The following GALNT18 variants were observed in gnomAD, a reference collection of about 807,000 sequenced individuals.
GALNT18 encodes polypeptide N-acetylgalactosaminyltransferase 18.
Under a neutral mutation model 69.5 loss-of-function variants are expected in GALNT18, and 44 were observed. The observed-to-expected ratio is 0.63, with a 90% confidence interval of 0.50 to 0.81. The LOEUF is 0.81. Ranked by LOEUF, GALNT18 falls within the 40% of genes least tolerant of loss-of-function variation. GALNT18 has a pLI of 0.00. For missense variants in GALNT18, 715 were observed against 810.0 expected (o/e 0.88, Z 1.42); for synonymous variants, 364 against 318.2 (o/e 1.14, Z -1.53).
Position 11,562,933 on chromosome 11 carries a change from C to T in GALNT18, c.235+58426G>A, listed in dbSNP as rs1858549815. 6.6e-6 allele frequency among the ~76,000 whole-genome samples: 1 copy of T among 152,216 alleles called. No individual in the cohort carries two copies. The highest frequency in any genetic ancestry group is 1.5e-5 in the Non-Finnish European group (1 of 68,042). ...GGCTTCATTCAGCACCCCCACAGCC[C>T]TCAAGTTCACAGATCGGAAGAGACT... On this transcript the variant is annotated intron_variant, in intron 1 of 10. Coordinates refer to ENST00000227756, the MANE Select transcript of GALNT18 (RefSeq NM_198516.3). This position sits in a 1 kb window ranked among gnomAD's most constrained non-coding sequence, Gnocchi z 4.1.
chr11:11,374,588 G>A (rs1589949253), intron 5 of GALNT18, among the ~76,000 whole-genome samples: 1 of 152,164 alleles, frequency 6.6e-6, no homozygotes. Flanking sequence ...GTTCAAGCCA[G>A]GTAATGAACA....
chr11:11,437,762 G>C (rs868259485), intron 2 of GALNT18, among the ~76,000 whole-genome samples: 2 of 110,892 alleles, frequency 1.8e-5, no homozygotes, highest in Non-Finnish European at 3.5e-5. Flanking sequence ...ACCTGGGGGT[G>C]GGGGGTGGGA....
chr11:11,384,864 A>C lies in GALNT18; in HGVS notation c.596-5600T>G, dbSNP rs2133701956. On this transcript the variant is annotated intron_variant, in intron 3 of 10. Transcript: ENST00000227756. ...AAGACACAACCCTTATGGAATATCCATGCTACTGGATGTTTAAAAGGCGTG... is the reference window on the plus strand; with the variant it reads ...AAGACACAACCCTTATGGAATATCCCTGCTACTGGATGTTTAAAAGGCGTG... 2.6e-5 allele frequency among the ~76,000 whole-genome samples: 4 copies of C among 152,348 alleles called. No homozygotes were observed. In the South Asian group the frequency reaches 8.3e-4, roughly 32 times the overall value.
intron 10 of GALNT18, among the ~76,000 whole-genome samples, chr11:11,292,146 GTACAGCCCCCA>G (rs1466299827): frequency 6.6e-6 from 1 of 152,120 alleles, no homozygotes; most frequent in Non-Finnish European, 1.5e-5. Context: ...TGTCCACCAT[GTACAGCCCCCA>G]GGCAGCCCTG....
chr11:11,503,903 T>C (rs148070916), intron 1 of GALNT18, among the ~76,000 whole-genome samples: 111 of 152,318 alleles, frequency 7.3e-4, no homozygotes, highest in African/African-American at 2.5e-3. Flanking sequence ...CAGAAACCCC[T>C]TGTTCTCCCT....
intron 1 of GALNT18, among the ~76,000 whole-genome samples, chr11:11,567,302 C>T (rs1010096228): frequency 2.0e-5 from 3 of 152,154 alleles, no homozygotes; most frequent in African/African-American, 4.8e-5. Flanking sequence ...AGTGGGATTT[C>T]CTGATTCTTG....
At chr11:11,566,728 T>C (rs2133990717) in intron 1 of GALNT18, among the ~76,000 whole-genome samples, 2 of 152,334 alleles carry the variant, frequency 1.3e-5, no homozygotes, top group Middle Eastern at 3.4e-3. Context: ...AAACTTGAAA[T>C]CTTTTGAAAT....
In GALNT18 at chr11:11,527,562, T is replaced by C. The variant is rs528665888; in HGVS notation, c.236-78626A>G. 3.9e-4 allele frequency among the ~76,000 whole-genome samples: 59 copies of C among 152,278 alleles called. 1 individual carries two copies. Among genetic ancestry groups the C allele is most frequent in the African/African-American group, 1.4e-3 (57 of 41,574 alleles). On this transcript the variant is annotated intron_variant, in intron 1 of 10. Coordinates refer to ENST00000227756, the MANE Select transcript of GALNT18 (RefSeq NM_198516.3). ...GCCACCAAGGTTCACCAATTAGAGG[T>C]ACCAAGCCATGAGCAATGGCCCATG... is the stretch of plus-strand genomic sequence containing the variant.
At chr11:11,539,676 T>C (rs1857867205) in intron 1 of GALNT18, among the ~76,000 whole-genome samples, 2 of 152,102 alleles carry the variant, frequency 1.3e-5, no homozygotes, top group African/African-American at 4.8e-5. Context: ...GCACCCCGCT[T>C]CTCACCTGCA....
chr11:11,478,083 A>T (rs1405807579), intron 1 of GALNT18, among the ~76,000 whole-genome samples: 1 of 152,186 alleles, frequency 6.6e-6, no homozygotes, highest in South Asian at 2.1e-4. Flanking sequence ...GTTTGTCTAG[A>T]TTTGCAAAGA....
In GALNT18 at chr11:11,382,427, T is replaced by C. The variant is rs901175824; in HGVS notation, c.596-3163A>G. On this transcript the variant is annotated intron_variant, in intron 3 of 10. Transcript: ENST00000227756. This position sits in a 1 kb window ranked among gnomAD's most constrained non-coding sequence, Gnocchi z 4.3. ...TTGCTTTCCAAAACACTGTCCATTGTATATTATATATATTGACTATTAACT... is the reference window on the plus strand; with the variant it reads ...TTGCTTTCCAAAACACTGTCCATTGCATATTATATATATTGACTATTAACT... Among the ~76,000 whole-genome samples the C allele has an allele frequency of 7.9e-5, 12 of 152,246 alleles. No individual in the cohort carries two copies. The highest frequency in any genetic ancestry group is 2.9e-5 in the Non-Finnish European group (2 of 68,036).
intron 6 of GALNT18, among the ~76,000 whole-genome samples, chr11:11,371,414 A>G (rs989095985): frequency 2.2e-4 from 34 of 152,240 alleles, no homozygotes; most frequent in African/African-American, 8.0e-4. Context: ...GAGACATCAG[A>G]TGCAGACACT....
Position 11,602,652 on chromosome 11 carries a change from G to A in GALNT18, c.235+18707C>T, listed in dbSNP as rs1859659480. 6.6e-6 allele frequency among the ~76,000 whole-genome samples: 1 copy of A among 152,070 alleles called. No individual in the cohort carries two copies. The highest frequency in any genetic ancestry group is 1.5e-5 in the Non-Finnish European group (1 of 68,010). On this transcript the variant is annotated intron_variant, in intron 1 of 10. Transcript: ENST00000227756. This position sits in a 1 kb window ranked among gnomAD's most constrained non-coding sequence, Gnocchi z 4.7. ...GGGCAATTTCCAGGGACTTTAGATG[G>A]GTGTTGTTTAATAATTTTTACCAGT...
rs1345822407 is a variant in GALNT18, at chr11:11,523,301, T to G, written c.236-74365A>C. Among the ~76,000 whole-genome samples, 2 of 152,118 alleles carry G rather than the reference T, an allele frequency of 1.3e-5. No individual in the cohort carries two copies. The highest frequency in any genetic ancestry group is 2.9e-5 in the Non-Finnish European group (2 of 68,006). ...TAATACAACAGCTGTTTGAGGCAAA[T>G]CTTGTCACTCTCACAGGTGAGGACA... On this transcript the variant is annotated intron_variant, in intron 1 of 10. Coordinates refer to ENST00000227756, the MANE Select transcript of GALNT18 (RefSeq NM_198516.3). The surrounding 1 kb of genome is among the most constrained non-coding windows in gnomAD (Gnocchi z 4.3).
rs1344966184 is a variant in GALNT18, at chr11:11,337,653, A to T, written c.1278+3166T>A. Among the ~76,000 whole-genome samples the T allele has an allele frequency of 1.3e-5, 2 of 152,120 alleles. No individual in the cohort carries two copies. Among genetic ancestry groups the T allele is most frequent in the Non-Finnish European group, 2.9e-5 (2 of 68,032 alleles). ...TCTAGAGGAGGGACCCCTGGAGCTGAGTCTCAAAGGATGGGGAAGATTTAG... is the reference window on the plus strand; with the variant it reads ...TCTAGAGGAGGGACCCCTGGAGCTGTGTCTCAAAGGATGGGGAAGATTTAG... On this transcript the variant is annotated intron_variant, in intron 7 of 10. Transcript: ENST00000227756. This position sits in a 1 kb window ranked among gnomAD's most constrained non-coding sequence, Gnocchi z 4.9.
intron 5 of GALNT18, among the ~76,000 whole-genome samples, chr11:11,373,801 T>C (rs1850969830): frequency 6.6e-6 from 1 of 152,224 alleles, no homozygotes; most frequent in Non-Finnish European, 1.5e-5. Flanking sequence ...GAGCCCTGCT[T>C]ATGCAGTGAC....
intron 1 of GALNT18, among the ~76,000 whole-genome samples, chr11:11,593,315 C>T (rs1264447134): frequency 6.6e-6 from 1 of 152,098 alleles, no homozygotes; most frequent in Non-Finnish European, 1.5e-5. Context: ...TTTCAGTTTG[C>T]GGACCCTGGA....
At chr11:11,271,749 A>T (rs780111663) in intron 10 of GALNT18, among the ~76,000 whole-genome samples, 1 of 152,176 alleles carries the variant, frequency 6.6e-6, no homozygotes, top group Non-Finnish European at 1.5e-5. Flanking sequence ...TACTGGTTTC[A>T]ACCAAAGTCA....
At position 11,465,880 on chromosome 11, in the gene GALNT18, C is replaced by A. The variant is rs1470665589; in HGVS notation, c.236-16944G>T. On this transcript the variant is annotated intron_variant, in intron 1 of 10. Transcript: ENST00000227756. This position sits in a 1 kb window ranked among gnomAD's most constrained non-coding sequence, Gnocchi z 5.7. ...TGAGTACTTCTGCCTTCTTCCCTGG[C>A]CTCACTGCATGGCTCACCAGTGCTC... is the stretch of plus-strand genomic sequence containing the variant. Among the ~76,000 whole-genome samples the A allele has an allele frequency of 6.6e-6, 1 of 152,134 alleles. No individual in the cohort carries two copies. The highest frequency in any genetic ancestry group is 2.4e-5 in the African/African-American group (1 of 41,434).
Sources: gnomAD v4.1 joint callset for allele counts (sites outside exome capture counted in the v4.1 genomes callset) on GRCh38, gnomAD v4.1.1 for gene constraint, Gnocchi (gnomAD v3.1) non-coding constraint, MANE v1.5 for transcripts, NCBI Gene and HGNC (gene_info 2026-07-23, HGNC 2026-07-21) for gene names.